ZNF804B: variants seen among roughly 807,000 people sequenced by gnomAD.
The protein encoded by ZNF804B is zinc finger protein 804B, also known as zinc finger 804B.
Under a neutral mutation model 101.4 loss-of-function variants are expected in ZNF804B, and 80 were observed. The ratio of observed to expected loss-of-function variants is 0.79; its 90% confidence interval spans 0.66 to 0.95. The LOEUF (loss-of-function observed/expected upper bound fraction) is 0.95. Ranked by LOEUF, ZNF804B falls within the 40% of genes least tolerant of loss-of-function variation. The probability of loss-of-function intolerance (pLI) is 0.00; values close to 1 mark genes in which losing one functional copy is unlikely to be tolerated. For synonymous variants in ZNF804B, 622 were observed against 558.8 expected, an observed-to-expected ratio of 1.11 and a Z score of -1.59; for missense variants, 1,673 against 1,561.9, an observed-to-expected ratio of 1.07 and a Z score of -1.20.
intron 1 of ZNF804B, among the ~76,000 whole-genome samples, chr7:88,943,345 G>T (rs1487076104): frequency 6.6e-6 from 1 of 151,794 alleles, no homozygotes; most frequent in Non-Finnish European, 1.5e-5. Context: ...TACCAGCATA[G>T]GTATTGGGGG....
chr7:88,944,148 A>T (rs993491847), intron 1 of ZNF804B, among the ~76,000 whole-genome samples: 2 of 151,774 alleles, frequency 1.3e-5, no homozygotes, highest in African/African-American at 4.8e-5. Context: ...TGGTGAGTAA[A>T]TGTTTAACAT....
At chr7:89,135,742 TA>T (rs1342931908) in intron 1 of ZNF804B, among the ~76,000 whole-genome samples, 2 of 152,070 alleles carry the variant, frequency 1.3e-5, no homozygotes, top group East Asian at 3.9e-4. Flanking sequence ...ATTTTTGTTA[TA>T]AAAAACTATT....
chr7:89,193,314 T>A (rs1489458107), intron 1 of ZNF804B, among the ~76,000 whole-genome samples: 4 of 151,850 alleles, frequency 2.6e-5, no homozygotes, highest in African/African-American at 2.4e-5. Context: ...TTATTTTTTT[T>A]TATTCGTATT....
Position 88,819,631 on chromosome 7 carries a change from C to A in ZNF804B, c.108+59547C>A, listed in dbSNP as rs1790943894. The stretch of plus-strand genomic sequence containing the variant: ...GGGACACAAAAGTGCTAAGTGTATA[C>A]ACTTTTATCATAAGTTTTAAAAATC... On this transcript the variant is annotated intron_variant, in intron 1 of 3. Coordinates refer to ENST00000333190, the MANE Select transcript of ZNF804B (RefSeq NM_181646.5). 3.9e-5 allele frequency among the ~76,000 whole-genome samples: 6 copies of A among 152,232 alleles called. No individual in the cohort carries two copies. The South Asian group carries it at 1.2e-3, about 32-fold the overall frequency.
rs374618575 is a variant in ZNF804B at position 89,182,495 on chromosome 7, C to T, written c.109-35660C>T. ...TTCCCTCTTGCTGTTGACCAACACT[C>T]TTGAGGGAATGTGTTTTCTAATTAA... On this transcript the variant is annotated intron_variant, in intron 1 of 3. Transcript: ENST00000333190. Among the ~76,000 whole-genome samples, 3 of 152,242 alleles carry T rather than the reference C, an allele frequency of 2.0e-5. 1 individual carries two copies. The highest frequency in any genetic ancestry group is 7.2e-5 in the African/African-American group (3 of 41,544).
At chr7:89,224,718 G>A (rs973419340) in intron 2 of ZNF804B, among the ~76,000 whole-genome samples, 1 of 22,412 alleles carries the variant, frequency 4.5e-5, no homozygotes, top group South Asian at 1.8e-3. Context: ...AAGTATGTGT[G>A]TGTGTGTGTG....
intron 1 of ZNF804B, among the ~76,000 whole-genome samples, chr7:88,851,214 A>C (rs1027183697): frequency 2.6e-5 from 4 of 152,110 alleles, no homozygotes; most frequent in Admixed American, 2.6e-4. Context: ...GTAGGGCATA[A>C]AAATATCTCA....
chr7:89,025,483 A>G lies in ZNF804B; in HGVS notation c.109-192672A>G, dbSNP rs185481723. ...CCATATGTTTAATGTTTCAAAAGCAATTATGCACGTTTGCCCAGTGTTATT... is the reference window on the plus strand; with the variant it reads ...CCATATGTTTAATGTTTCAAAAGCAGTTATGCACGTTTGCCCAGTGTTATT... On this transcript the variant is annotated intron_variant, in intron 1 of 3. Transcript: ENST00000333190. 1.9e-3 allele frequency among the ~76,000 whole-genome samples: 292 copies of G among 152,242 alleles called. 1 individual carries two copies. Among genetic ancestry groups the G allele is most frequent in the Admixed American group, 3.6e-3 (55 of 15,276 alleles).
At chr7:89,056,597 T>A (rs1456947780) in intron 1 of ZNF804B, among the ~76,000 whole-genome samples, 1 of 152,132 alleles carries the variant, frequency 6.6e-6, no homozygotes, top group Admixed American at 6.6e-5. Flanking sequence ...GAAATAGGAC[T>A]AAACTTCTGT....
At chr7:88,817,330 T>G (rs1390793579) in intron 1 of ZNF804B, among the ~76,000 whole-genome samples, 1 of 152,094 alleles carries the variant, frequency 6.6e-6, no homozygotes, top group Non-Finnish European at 1.5e-5. Context: ...TGTATACATA[T>G]GTAACAAACC....
At chr7:89,132,440 G>A (rs1790567625) in intron 1 of ZNF804B, among the ~76,000 whole-genome samples, 1 of 151,956 alleles carries the variant, frequency 6.6e-6, no homozygotes, top group Non-Finnish European at 1.5e-5. Flanking sequence ...GTCCAATGGA[G>A]GAAATGACAA....
intron 1 of ZNF804B, among the ~76,000 whole-genome samples, chr7:89,101,583 A>G (rs1790056441): frequency 1.3e-5 from 2 of 152,148 alleles, no homozygotes; most frequent in South Asian, 2.1e-4. Context: ...AGCATACAAA[A>G]TTTTACTAGT....
At chr7:89,193,469 C>G (rs575010108) in intron 1 of ZNF804B, among the ~76,000 whole-genome samples, 152 of 119,716 alleles carry the variant, frequency 1.3e-3, no homozygotes, top group Non-Finnish European at 1.9e-3. Context: ...CCCCTCCCCC[C>G]ACCCCACAAC....
intron 2 of ZNF804B, among the ~76,000 whole-genome samples, chr7:89,294,993 A>G (rs548326486): frequency 1.3e-5 from 2 of 152,108 alleles, no homozygotes; most frequent in Non-Finnish European, 2.9e-5. Flanking sequence ...GAGGACTTTC[A>G]TGATACTAGT....
intron 2 of ZNF804B, among the ~76,000 whole-genome samples, chr7:89,321,403 C>T (rs1389447931): frequency 6.6e-6 from 1 of 152,026 alleles, no homozygotes; most frequent in African/African-American, 2.4e-5. Context: ...GGCATGAACC[C>T]GAGAGGTGGA....
chr7:89,300,853 C>T (rs972121395), intron 2 of ZNF804B, among the ~76,000 whole-genome samples: 12 of 151,882 alleles, frequency 7.9e-5, no homozygotes, highest in Non-Finnish European at 5.9e-5. Context: ...GTATTGTAAA[C>T]AGTGGATAGA....
intron 1 of ZNF804B, among the ~76,000 whole-genome samples, chr7:88,958,708 C>A (rs1314047279): frequency 6.6e-6 from 1 of 151,396 alleles, no homozygotes; most frequent in Non-Finnish European, 1.5e-5. Flanking sequence ...GATTTAATGT[C>A]ACATCGAAGA....
chr7:88,874,378 A>G (rs1309173022), intron 1 of ZNF804B, among the ~76,000 whole-genome samples: 4 of 151,318 alleles, frequency 2.6e-5, no homozygotes, highest in South Asian at 2.1e-4. Context: ...GGGCTGAGAC[A>G]ATGGGGTTTT....
At position 88,759,913 on chromosome 7, in the gene ZNF804B, G is replaced by C; in HGVS notation, c.-64G>C. On this transcript the variant is annotated 5_prime_UTR_variant, in exon 1 of 4. Coordinates refer to ENST00000333190, the MANE Select transcript of ZNF804B (RefSeq NM_181646.5). ...AGTCGCTGTTGCCGCTGAGAAACCC[G>C]CCCGCTTTCCACGGCTGGTCGCCTG... is the stretch of plus-strand genomic sequence containing the variant. 6.9e-7 allele frequency: 1 copy of C among 1,456,948 alleles called. No individual in the cohort carries two copies. The highest frequency in any genetic ancestry group is 9.6e-7 in the Non-Finnish European group (1 of 1,041,732). The allele number at this position is 1,456,948 out of a possible 1,614,324, so 90.3% of individuals were successfully genotyped here.
Sources: gnomAD v4.1 joint callset for allele counts (sites outside exome capture counted in the v4.1 genomes callset) on GRCh38, gnomAD v4.1.1 for gene constraint, MANE v1.5 for transcripts, NCBI Gene and HGNC (gene_info 2026-07-23, HGNC 2026-07-21) for gene names.